The following TLK1 variants were observed in gnomAD, a reference collection of about 807,000 sequenced individuals.
TLK1 encodes serine/threonine-protein kinase tousled-like 1.
Under a neutral mutation model 105.3 loss-of-function variants are expected in TLK1, and 24 were observed. That is an observed-to-expected ratio of 0.23 (90% CI 0.17 to 0.32). TLK1 has a LOEUF of 0.32. Ranked by LOEUF, TLK1 falls within the 10% of genes least tolerant of loss-of-function variation. TLK1 has a pLI of 1.00. For missense variants in TLK1, 558 were observed against 910.5 expected (o/e 0.61, Z 4.98); for synonymous variants, 321 against 310.4 (o/e 1.03, Z -0.36).
chr2:171,145,957 T>G (rs1386403023), intron 1 of TLK1, among the ~76,000 whole-genome samples: 2 of 152,136 alleles, frequency 1.3e-5, no homozygotes, highest in Non-Finnish European at 2.9e-5. Context: ...GCTGGCAATA[T>G]TCTATTTCTT....
chr2:171,069,930 A>T (rs1304333259), intron 3 of TLK1, among the ~76,000 whole-genome samples: 1 of 152,242 alleles, frequency 6.6e-6, no homozygotes, highest in African/African-American at 2.4e-5. Flanking sequence ...CCAAAATTTG[A>T]AAACTGCTTT....
chr2:171,058,708 T>A (rs1225962941), intron 4 of TLK1, among the ~76,000 whole-genome samples: 1 of 152,190 alleles, frequency 6.6e-6, no homozygotes, highest in Non-Finnish European at 1.5e-5. Context: ...TCATTAGAGA[T>A]CACGCTATTT....
intron 2 of TLK1, among the ~76,000 whole-genome samples, chr2:171,086,469 T>C (rs1039553408): frequency 3.3e-5 from 5 of 151,628 alleles, no homozygotes; most frequent in African/African-American, 1.2e-4. Flanking sequence ...CTACTAAAAA[T>C]ACAAAAAACA....
At chr2:171,057,303 T>C (rs1161321478) in intron 5 of TLK1, among the ~76,000 whole-genome samples, 2 of 152,082 alleles carry the variant, frequency 1.3e-5, no homozygotes, top group Non-Finnish European at 2.9e-5. Flanking sequence ...ACAGCACAGA[T>C]AGGAACTTCC....
chr2:171,177,742 CATTTTTGAACAA>C (rs1480406589), intron 1 of TLK1, among the ~76,000 whole-genome samples: 1 of 152,188 alleles, frequency 6.6e-6, no homozygotes, highest in Non-Finnish European at 1.5e-5. Flanking sequence ...GACTATAGTG[CATTTTTGAACAA>C]AAAGCTTTTA....
intron 1 of TLK1, among the ~76,000 whole-genome samples, chr2:171,135,593 G>A (rs979876902): frequency 1.3e-5 from 2 of 152,066 alleles, no homozygotes; most frequent in South Asian, 4.2e-4. Context: ...CTGAGGTCAG[G>A]AGTTCGAGAC....
chr2:171,117,725 A>T lies in TLK1; in HGVS notation c.258+14T>A. 6.3e-7 allele frequency: 1 copy of T among 1,589,256 alleles called. No individual in the cohort carries two copies. The highest frequency in any genetic ancestry group is 8.6e-7 in the Non-Finnish European group (1 of 1,161,768). ...AAAGAAAGACTGTCAAATAAAGATG[A>T]GAATTTTGCTCACTTTAGCTCCAAC... is the stretch of plus-strand genomic sequence containing the variant. On this transcript the variant is annotated intron_variant, in intron 2 of 20. Transcript: ENST00000431350.
chr2:171,172,380 T>C (rs1692746396), intron 1 of TLK1, among the ~76,000 whole-genome samples: 1 of 152,186 alleles, frequency 6.6e-6, no homozygotes, highest in Admixed American at 6.5e-5. Flanking sequence ...TTTGTACACT[T>C]TGGTACATGT....
At chr2:171,130,608 TGAG>T (rs1297507919) in intron 1 of TLK1, among the ~76,000 whole-genome samples, 1 of 152,138 alleles carries the variant, frequency 6.6e-6, no homozygotes, top group African/African-American at 2.4e-5. Flanking sequence ...GTAAATCACG[TGAG>T]AAGAGAAAGC....
At chr2:171,004,765 T>G (rs1017635337) in intron 18 of TLK1, among the ~76,000 whole-genome samples, 1 of 152,116 alleles carries the variant, frequency 6.6e-6, no homozygotes, top group Non-Finnish European at 1.5e-5. Flanking sequence ...GAATAAGATT[T>G]TGTTGTTAAA....
At chr2:171,174,115 T>G (rs1692778103) in intron 1 of TLK1, among the ~76,000 whole-genome samples, 1 of 152,208 alleles carries the variant, frequency 6.6e-6, no homozygotes, top group South Asian at 2.1e-4. Flanking sequence ...TAGCACTATG[T>G]GATTCTTTTT....
At chr2:171,137,536 G>A (rs764313036) in intron 1 of TLK1, among the ~76,000 whole-genome samples, 77 of 151,814 alleles carry the variant, frequency 5.1e-4, no homozygotes, top group Non-Finnish European at 1.0e-3. Flanking sequence ...TTTAGTATCC[G>A]GAATAAGCCT....
intron 1 of TLK1, among the ~76,000 whole-genome samples, chr2:171,124,765 C>A (rs940451832): frequency 6.6e-6 from 1 of 152,236 alleles, no homozygotes; most frequent in Admixed American, 6.5e-5. Flanking sequence ...ACAGATTCCA[C>A]TTCAGATTGT....
At chr2:171,040,987 C>T (rs778660822) in intron 11 of TLK1, among the ~76,000 whole-genome samples, 3 of 152,134 alleles carry the variant, frequency 2.0e-5, no homozygotes, top group Non-Finnish European at 4.4e-5. Flanking sequence ...TGCAGTCACC[C>T]TCTGTGAAAC....
chr2:171,161,561 T>G (rs924711709), upstream of TLK1, among the ~76,000 whole-genome samples: 3 of 152,156 alleles, frequency 2.0e-5, no homozygotes, highest in African/African-American at 7.2e-5. Context: ...ATGAGGAAAT[T>G]GAAAATTACC....
chr2:171,055,456 T>A (rs1293463161), intron 6 of TLK1, among the ~76,000 whole-genome samples: 3 of 151,748 alleles, frequency 2.0e-5, no homozygotes, highest in African/African-American at 7.3e-5. Flanking sequence ...CTTAATGCTT[T>A]CATACAGTTA....
chr2:171,157,353 TTTAACTCG>T (rs1277737330), intron 1 of TLK1, among the ~76,000 whole-genome samples: 3 of 152,190 alleles, frequency 2.0e-5, no homozygotes, highest in Admixed American at 1.3e-4. Context: ...TGAAAACCTT[TTTAACTCG>T]TCACTCCCTT....
chr2:171,084,802 T>G (rs941532809), intron 2 of TLK1, among the ~76,000 whole-genome samples: 6 of 151,918 alleles, frequency 3.9e-5, no homozygotes, highest in African/African-American at 1.5e-4. Context: ...AAATCAGATT[T>G]CAAAAAACTC....
At chr2:171,145,738 T>G (rs998576434) in intron 1 of TLK1, among the ~76,000 whole-genome samples, 1 of 152,176 alleles carries the variant, frequency 6.6e-6, no homozygotes, top group Non-Finnish European at 1.5e-5. Flanking sequence ...CAAAGTAATA[T>G]TATAGTGCAA....
Sources: allele counts gnomAD v4.1 joint callset (sites outside exome capture counted in the v4.1 genomes callset), GRCh38; gene constraint gnomAD v4.1.1; transcripts MANE v1.5; gene names NCBI Gene and HGNC (gene_info 2026-07-23, HGNC 2026-07-21).